RALGAPA1: variants seen among roughly 807,000 people sequenced by gnomAD.
RALGAPA1 encodes Ral GTPase activating protein catalytic subunit alpha 1, also known as ral GTPase-activating protein subunit alpha-1.
A neutral mutation model predicts 269.6 loss-of-function variants in RALGAPA1; 52 were observed. That is an observed-to-expected ratio of 0.19 (90% CI 0.15 to 0.24). The LOEUF is 0.24. RALGAPA1 is among the 10% of genes least tolerant of loss of function. The pLI is 1.00. For missense variants in RALGAPA1, 1,917 were observed against 3,013.9 expected, an observed-to-expected ratio of 0.64 and a Z score of 8.52; for synonymous variants, 817 against 1,008.3, an observed-to-expected ratio of 0.81 and a Z score of 3.60.
intron 3 of RALGAPA1, among the ~76,000 whole-genome samples, chr14:35,774,692 A>G (rs899158531): frequency 3.3e-5 from 5 of 152,198 alleles, no homozygotes; most frequent in African/African-American, 1.2e-4. Flanking sequence ...GAGTTAAAAC[A>G]AAATCAAATT....
chr14:35,755,498 TTG>T (rs2073091450), intron 7 of RALGAPA1, among the ~76,000 whole-genome samples: 2 of 152,338 alleles, frequency 1.3e-5, no homozygotes, highest in South Asian at 4.1e-4. Flanking sequence ...TTGCAGTTTA[TTG>T]TGTATCAATT....
intron 32 of RALGAPA1, among the ~76,000 whole-genome samples, 178 bp from the exon 33 acceptor site, chr14:35,634,935 G>T (rs2061576150): frequency 6.6e-6 from 1 of 152,110 alleles, no homozygotes; most frequent in East Asian, 1.9e-4. Context: ...TTACAGGGAG[G>T]CCCAGCCAGG....
At chr14:35,758,288 A>T (rs2073381842) in intron 6 of RALGAPA1, among the ~76,000 whole-genome samples, 1 of 151,398 alleles carries the variant, frequency 6.6e-6, no homozygotes, top group Non-Finnish European at 1.5e-5. Flanking sequence ...GAAAAGAAGT[A>T]AGAAAATACA....
intron 41 of RALGAPA1, among the ~76,000 whole-genome samples, chr14:35,540,625 T>C (rs572940191): frequency 6.6e-6 from 1 of 152,142 alleles, no homozygotes. Context: ...AGTAATTAAT[T>C]AAAATCACAT....
At chr14:35,720,973 T>C (rs2069361935) in intron 16 of RALGAPA1, among the ~76,000 whole-genome samples, 1 of 152,178 alleles carries the variant, frequency 6.6e-6, no homozygotes, top group Non-Finnish European at 1.5e-5. Flanking sequence ...ACCTATTTAG[T>C]GATCAAAGAG....
chr14:35,663,403 G>A, intron 27 of RALGAPA1, among the ~76,000 whole-genome samples: 1 of 150,432 alleles, frequency 6.6e-6, no homozygotes, highest in Non-Finnish European at 1.5e-5. Flanking sequence ...TTTAAAACTT[G>A]AGAAAAAGCA....
intron 31 of RALGAPA1, among the ~76,000 whole-genome samples, chr14:35,647,587 C>T (rs1056189362): frequency 6.6e-6 from 1 of 152,098 alleles, no homozygotes; most frequent in Non-Finnish European, 1.5e-5. Context: ...TGGAATGCAA[C>T]ATAGTGGAGA....
At chr14:35,785,869 T>C (rs1034941427) in intron 1 of RALGAPA1, among the ~76,000 whole-genome samples, 1 of 152,128 alleles carries the variant, frequency 6.6e-6, no homozygotes. Context: ...TGAGTAGCAG[T>C]GGTTTTGACT....
At chr14:35,681,888 T>TA in intron 21 of RALGAPA1, among the ~76,000 whole-genome samples, 1 of 152,344 alleles carries the variant, frequency 6.6e-6, no homozygotes, top group South Asian at 2.1e-4. Context: ...ACACATAGAA[T>TA]AATAACGTAT....
intron 1 of RALGAPA1, among the ~76,000 whole-genome samples, chr14:35,791,904 CAAAAAAAAAAA>C (rs773722682): frequency 1.7e-4 from 2 of 11,774 alleles, no homozygotes; most frequent in African/African-American, 2.3e-4. Context: ...GACTCTGTCT[CAAAAAAAAAAA>C]AAAAAAAAAA....
chr14:35,808,752 G>C lies in RALGAPA1; in HGVS notation c.84C>G (p.Leu28=), dbSNP rs761246406. The part of the protein sequence containing the change: ...LDTKKDALTR[L]KHLRIVIENA... The stretch of plus-strand genomic sequence containing the variant: ...CACCGATGACGATGCGCAGGTGCTT[G>C]AGGCGAGTCAGTGCGTCCTTCTTGG... The change falls in exon 1 of 42, where the codon CTC becomes CTG. Residue 28 remains leucine (L), a synonymous_variant. Coordinates refer to ENST00000680220, the MANE Select transcript of RALGAPA1 (RefSeq NM_001346249.2). The C allele has an allele frequency of 1.9e-6, 3 of 1,613,252 alleles. No homozygotes were observed. The highest frequency in any genetic ancestry group is 4.5e-5 in the East Asian group (2 of 44,850).
chr14:35,675,225 G>T (rs1483598626), intron 22 of RALGAPA1, among the ~76,000 whole-genome samples: 1 of 152,174 alleles, frequency 6.6e-6, no homozygotes, highest in Non-Finnish European at 1.5e-5. Flanking sequence ...TCCCAGGCTG[G>T]AGTGCAATGG....
intron 35 of RALGAPA1, among the ~76,000 whole-genome samples, chr14:35,621,964 C>G (rs935616846): frequency 4.6e-5 from 7 of 152,126 alleles, no homozygotes. Context: ...GGCGATTCCT[C>G]AAGGATCTAG....
At chr14:35,631,516 T>C (rs963143508) in intron 33 of RALGAPA1, among the ~76,000 whole-genome samples, 1 of 152,182 alleles carries the variant, frequency 6.6e-6, no homozygotes, top group Non-Finnish European at 1.5e-5. Context: ...GATTTTTCTA[T>C]TCTTCACTCT....
At chr14:35,548,425 A>C in intron 41 of RALGAPA1, 83 bp downstream of exon 41, 1 of 916,460 alleles carries the variant, frequency 1.1e-6, no homozygotes, top group South Asian at 1.8e-5. Flanking sequence ...TTATTGTTTA[A>C]GTTACAAGCT....
At chr14:35,636,880 C>T (rs2061694893) in intron 31 of RALGAPA1, among the ~76,000 whole-genome samples, 2 of 152,142 alleles carry the variant, frequency 1.3e-5, no homozygotes, top group Non-Finnish European at 2.9e-5. Flanking sequence ...TCCCATTCTC[C>T]CACTGCAGGT....
chr14:35,553,233 G>T (rs2055192830), intron 39 of RALGAPA1, among the ~76,000 whole-genome samples: 1 of 152,132 alleles, frequency 6.6e-6, no homozygotes. Flanking sequence ...GGCAATTTTT[G>T]ATGTCAGTTT....
chr14:35,596,384 C>T (rs1003426728), intron 36 of RALGAPA1, among the ~76,000 whole-genome samples: 7 of 151,756 alleles, frequency 4.6e-5, no homozygotes, highest in African/African-American at 7.3e-5. Flanking sequence ...TGATATTCCC[C>T]GGACCTGTGT....
chr14:35,680,482 T>C (rs2065332123), intron 21 of RALGAPA1, among the ~76,000 whole-genome samples: 2 of 152,158 alleles, frequency 1.3e-5, no homozygotes, highest in Admixed American at 1.3e-4. Flanking sequence ...AGTACTGGGA[T>C]TACAGGCATG....
Sources: allele counts gnomAD v4.1 joint callset (sites outside exome capture counted in the v4.1 genomes callset), GRCh38; gene constraint gnomAD v4.1.1; transcripts MANE v1.5; gene names NCBI Gene and HGNC (gene_info 2026-07-23, HGNC 2026-07-21).